Variants in UBR1 observed in about 807,000 individuals in gnomAD.
UBR1 encodes ubiquitin protein ligase E3 component n-recognin 1, also known as E3 ubiquitin-protein ligase UBR1.
In UBR1, 102 loss-of-function variants were observed where a neutral mutation model predicts 242.1. The observed-to-expected ratio is 0.42, with a 90% CI of 0.36 to 0.50. The LOEUF (loss-of-function observed/expected upper bound fraction) is 0.50, where lower values mean the gene tolerates loss of function less well. UBR1 is among the 20% of genes least tolerant of loss of function. The pLI, the probability that UBR1 is intolerant of heterozygous loss-of-function variation, is 0.01. For missense variants in UBR1, 1,772 were observed against 2,101.8 expected, an observed-to-expected ratio of 0.84 and a Z score of 3.07; for synonymous variants, 675 against 684.8, an observed-to-expected ratio of 0.99 and a Z score of 0.22.
chr15:42,952,235 T>C, intron 45 of UBR1, 43 bp downstream of exon 45: 1 of 1,613,594 alleles, frequency 6.2e-7, no homozygotes, highest in Non-Finnish European at 8.5e-7. Context: ...GGATCCAGAT[T>C]CCTTAAGTTC....
At chr15:42,982,312 G>C (rs1381111969) in intron 37 of UBR1, among the ~76,000 whole-genome samples, 1 of 152,106 alleles carries the variant, frequency 6.6e-6, no homozygotes, top group Non-Finnish European at 1.5e-5. Context: ...AAACAAAATA[G>C]TGATATGCAA....
At position 43,043,411 on chromosome 15, in the gene UBR1, G is replaced by A. The variant is rs2033443965; in HGVS notation, c.1669-16C>T. The A allele has an allele frequency of 6.2e-7, 1 of 1,613,448 alleles. No individual in the cohort carries two copies. Among genetic ancestry groups the A allele is most frequent in the Non-Finnish European group, 8.5e-7 (1 of 1,179,608 alleles). ...AGAGTTCTTCCTAAGAGGAAAATAAGATACAAAAAGTTGACAAGTTTTCTA... is the reference window on the plus strand; with the variant it reads ...AGAGTTCTTCCTAAGAGGAAAATAAAATACAAAAAGTTGACAAGTTTTCTA... On this transcript the variant is annotated splice_polypyrimidine_tract_variant and intron_variant, in intron 14 of 46. Coordinates refer to ENST00000290650, the MANE Select transcript of UBR1 (RefSeq NM_174916.3).
intron 37 of UBR1, among the ~76,000 whole-genome samples, chr15:42,978,492 G>A (rs919426638): frequency 4.6e-5 from 7 of 152,146 alleles, no homozygotes; most frequent in African/African-American, 1.7e-4. Context: ...AATCTGGTCC[G>A]TGCCTAAGGA....
At chr15:43,048,757 C>T (rs1468000515) in intron 12 of UBR1, among the ~76,000 whole-genome samples, 4 of 152,206 alleles carry the variant, frequency 2.6e-5, no homozygotes, top group African/African-American at 9.7e-5. Context: ...ATTAAGTGAA[C>T]CTAGAACTGA....
Position 43,007,184 on chromosome 15 carries a change from C to G in UBR1, c.3310G>C (p.Glu1104Gln). 4 of 1,614,096 alleles carry G rather than the reference C, an allele frequency of 2.5e-6. No individual in the cohort carries two copies. Among genetic ancestry groups the G allele is most frequent in the Non-Finnish European group, 3.4e-6 (4 of 1,180,014 alleles). The change falls in exon 30 of 47, where the codon GAA (glutamate) becomes CAA (glutamine). Residue 1104 changes from glutamate to glutamine, a missense_variant. Transcript: ENST00000290650. The stretch of plus-strand genomic sequence containing the variant: ...TTATTTTCTATTTTCACCTCCTGTT[C>G]TTCTTGGCAAAGGATGCACGTCAGC... The part of the protein sequence containing the change: ...EVLTCILCQE[E>Q]QEVKIENNAM...
At position 43,015,824 on chromosome 15, in the gene UBR1, C is replaced by T; in HGVS notation, c.3073G>A (p.Ala1025Thr). The T allele has an allele frequency of 6.2e-7, 1 of 1,614,138 alleles. No homozygotes were observed. Among genetic ancestry groups the T allele is most frequent in the Non-Finnish European group, 8.5e-7 (1 of 1,180,042 alleles). ...EKAERKRKAE[A>T]ARLHRQKIMA... ...ATCTTCTGGCGATGTAGCCTAGCAG[C>T]TTCAGCTTTTCTTTTTCGTTCTGCT... Residue 1025 changes from alanine (A) to threonine (T), a missense_variant, in exon 29 of 47, where the codon GCT (alanine) becomes ACT (threonine). By Grantham distance (58) the Ala-to-Thr change is moderately conservative (BLOSUM62 0). Coordinates refer to ENST00000290650, the MANE Select transcript of UBR1 (RefSeq NM_174916.3).
chr15:43,102,805 CTCA>C (rs1339489486), intron 1 of UBR1, among the ~76,000 whole-genome samples: 4 of 152,186 alleles, frequency 2.6e-5, no homozygotes, highest in African/African-American at 9.7e-5. Flanking sequence ...TTCTCTCTTT[CTCA>C]TCATCTCTGT....
At chr15:43,018,002 TTTG>T (rs1486201080) in intron 27 of UBR1, among the ~76,000 whole-genome samples, 217 of 151,416 alleles carry the variant, frequency 1.4e-3, no homozygotes, top group African/African-American at 4.7e-3. Context: ...TCTTTTTTGG[TTTG>T]TTGTTTTTTT....
intron 33 of UBR1, among the ~76,000 whole-genome samples, chr15:42,992,791 T>C (rs1567118151): frequency 6.6e-6 from 1 of 152,198 alleles, no homozygotes; most frequent in Non-Finnish European, 1.5e-5. Context: ...GAATGACATG[T>C]TTTTCTCAGT....
intron 2 of UBR1, among the ~76,000 whole-genome samples, chr15:43,084,550 G>C (rs1192543300): frequency 6.6e-6 from 1 of 152,144 alleles, no homozygotes; most frequent in African/African-American, 2.4e-5. Context: ...TCTGTCTCCC[G>C]GGTTCAAGCA....
chr15:42,983,653 G>C (rs1028526868), intron 37 of UBR1, among the ~76,000 whole-genome samples: 6 of 126,256 alleles, frequency 4.8e-5, no homozygotes, highest in Admixed American at 9.0e-5. Context: ...CAACAACAGC[G>C]AAACTCCCAC....
At chr15:43,100,266 T>C (rs1164471730) in intron 1 of UBR1, among the ~76,000 whole-genome samples, 1 of 152,062 alleles carries the variant, frequency 6.6e-6, no homozygotes, top group Non-Finnish European at 1.5e-5. Flanking sequence ...GACCACAAAG[T>C]TCAGTCCTCC....
Position 43,085,590 on chromosome 15 carries a change from T to C in UBR1, c.338+394A>G, listed in dbSNP as rs114453911. Among the ~76,000 whole-genome samples the C allele has an allele frequency of 1.9e-3, 289 of 152,082 alleles. 1 individual carries two copies. In the Middle Eastern group the frequency reaches 0.027, roughly 14 times the overall value. On this transcript the variant is annotated intron_variant, in intron 2 of 46. Transcript: ENST00000290650. ...GTGAAATAGATACAAAATACCAAGA[T>C]TGTAATACTTGGCCAGGATGCAGTG...
chr15:42,978,071 T>A, intron 37 of UBR1, 124 bp from the exon 38 acceptor site: 2 of 741,840 alleles, frequency 2.7e-6, no homozygotes, highest in East Asian at 2.6e-5. Context: ...AACTAATACA[T>A]CACACCTTTG....
At chr15:43,035,275 A>G (rs923039386) in intron 19 of UBR1, among the ~76,000 whole-genome samples, 2 of 152,318 alleles carry the variant, frequency 1.3e-5, no homozygotes, top group Admixed American at 1.3e-4. Flanking sequence ...AGTGTTTTTC[A>G]TGTGATTTTT....
chr15:43,026,945 GC>G (rs1324953692), intron 22 of UBR1, among the ~76,000 whole-genome samples: 1 of 151,996 alleles, frequency 6.6e-6, no homozygotes, highest in Non-Finnish European at 1.5e-5. Context: ...TATCTCTAAA[GC>G]TTCTTAGAGA....
At chr15:43,082,546 G>A in intron 3 of UBR1, 92 bp downstream of exon 3, 2 of 947,498 alleles carry the variant, frequency 2.1e-6, no homozygotes, top group Non-Finnish European at 3.4e-6. Context: ...TATCAGAGCT[G>A]TTATAGCAGG....
At chr15:42,957,032 G>C (rs541779133) in intron 44 of UBR1, among the ~76,000 whole-genome samples, 1 of 152,160 alleles carries the variant, frequency 6.6e-6, no homozygotes, top group Admixed American at 6.5e-5. Flanking sequence ...ACATCCAAAA[G>C]AAATGAAAAC....
At chr15:43,078,403 C>T (rs919407381) in intron 3 of UBR1, among the ~76,000 whole-genome samples, 1 of 151,724 alleles carries the variant, frequency 6.6e-6, no homozygotes, top group African/African-American at 2.4e-5. Context: ...ATATCATCAA[C>T]AAAAAAAGAA....
Sources: allele counts gnomAD v4.1 joint callset (sites outside exome capture counted in the v4.1 genomes callset), GRCh38; gene constraint gnomAD v4.1.1; transcripts MANE v1.5; gene names NCBI Gene and HGNC (gene_info 2026-07-23, HGNC 2026-07-21).